ZNF827: variants seen among roughly 807,000 people sequenced by gnomAD.
ZNF827 encodes the protein zinc finger protein 827.
In ZNF827, 13 loss-of-function variants were observed where a neutral mutation model predicts 102.4. The ratio of observed to expected loss-of-function variants is 0.13; its 90% CI spans 0.08 to 0.20. The LOEUF (loss-of-function observed/expected upper bound fraction) is 0.20. Among genes scored for constraint, ZNF827 ranks in the 10% least tolerant of loss-of-function variants. The probability of loss-of-function intolerance (pLI) is 1.00; values close to 1 mark genes in which losing one functional copy is unlikely to be tolerated. For missense variants in ZNF827, 1,103 were observed against 1,344.4 expected (o/e 0.82, Z 2.81); for synonymous variants, 523 against 536.2 (o/e 0.98, Z 0.34).
intron 10 of ZNF827, among the ~76,000 whole-genome samples, chr4:145,775,199 A>G (rs566820815): frequency 5.3e-5 from 8 of 152,322 alleles, no homozygotes; most frequent in African/African-American, 1.4e-4. Flanking sequence ...ACTGCTAGAG[A>G]CATTTCCTGC....
At chr4:145,781,643 G>GT (rs1738071232) in intron 8 of ZNF827, among the ~76,000 whole-genome samples, 1 of 151,858 alleles carries the variant, frequency 6.6e-6, no homozygotes, top group East Asian at 1.9e-4. Flanking sequence ...GTGAAGAGAA[G>GT]TAAAAAAAAA....
At chr4:145,934,698 G>A (rs550006628) in intron 1 of ZNF827, among the ~76,000 whole-genome samples, 3 of 152,312 alleles carry the variant, frequency 2.0e-5, no homozygotes, top group Admixed American at 1.3e-4. Context: ...TGTAGTGGGA[G>A]GACTTTGGGC....
chr4:145,886,174 G>A lies in ZNF827; in HGVS notation c.1267-16C>T. ...GCTGATGAACCTGACGGAGAAGCAA[G>A]AAGAATGAGCTAGCCACCGTGCATT... On this transcript the variant is annotated splice_polypyrimidine_tract_variant and intron_variant, in intron 3 of 14. Transcript: ENST00000508784. 6.4e-7 allele frequency: 1 copy of A among 1,570,018 alleles called. No homozygotes were observed. Among genetic ancestry groups the A allele is most frequent in the Non-Finnish European group, 8.6e-7 (1 of 1,160,116 alleles).
chr4:145,781,717 G>A (rs1454966036), intron 8 of ZNF827, among the ~76,000 whole-genome samples: 2 of 152,210 alleles, frequency 1.3e-5, no homozygotes, highest in Non-Finnish European at 1.5e-5. Flanking sequence ...CACGCAGTGG[G>A]CATTTCAGCT....
chr4:145,844,689 TAAATAAATA>T (rs1214278875), intron 7 of ZNF827, among the ~76,000 whole-genome samples: 9 of 86,990 alleles, frequency 1.0e-4, no homozygotes, highest in Admixed American at 1.6e-4. Flanking sequence ...AATAAATAAA[TAAATAAATA>T]AATAAATAAA....
At chr4:145,836,665 A>C (rs1486791840) in intron 7 of ZNF827, among the ~76,000 whole-genome samples, 1 of 151,742 alleles carries the variant, frequency 6.6e-6, no homozygotes, top group Non-Finnish European at 1.5e-5. Context: ...GATCCACCTG[A>C]CATTCACCCC....
At chr4:145,773,656 T>C (rs1736616126) in intron 11 of ZNF827, among the ~76,000 whole-genome samples, 1 of 152,234 alleles carries the variant, frequency 6.6e-6, no homozygotes, top group Admixed American at 6.5e-5. Context: ...GTCAGAATGT[T>C]AACATCAATA....
At chr4:145,767,136 G>A (rs573122637) in intron 11 of ZNF827, among the ~76,000 whole-genome samples, 8 of 152,256 alleles carry the variant, frequency 5.3e-5, no homozygotes, top group East Asian at 1.9e-4. Flanking sequence ...GTTAGACTTC[G>A]CAGACAAGGA....
At chr4:145,932,301 A>G (rs1753864162) in intron 1 of ZNF827, among the ~76,000 whole-genome samples, 1 of 152,194 alleles carries the variant, frequency 6.6e-6, no homozygotes. Flanking sequence ...GACCAGGGTT[A>G]ATAACAGTGG....
chr4:145,782,540 C>T (rs1738240055), intron 8 of ZNF827, among the ~76,000 whole-genome samples: 1 of 152,194 alleles, frequency 6.6e-6, no homozygotes, highest in Admixed American at 6.5e-5. Context: ...TCTTTCTAGA[C>T]CTCACTGCCT....
rs577224992 is a variant in ZNF827 at position 145,862,170 on chromosome 4, G to A, written c.1981+8075C>T. 9.2e-5 allele frequency among the ~76,000 whole-genome samples: 14 copies of A among 152,286 alleles called. No homozygotes were observed. The East Asian group carries it at 1.4e-3, about 15-fold the overall frequency. On this transcript the variant is annotated intron_variant, in intron 5 of 14. Coordinates refer to ENST00000508784, the MANE Select transcript of ZNF827 (RefSeq NM_001306215.2). ...CAGAAGGGTGCTTACTGGCCAGAGC[G>A]GGTGTAACAGCAGGTATGGCCAGAG...
At chr4:145,880,634 C>T (rs894354194) in intron 4 of ZNF827, among the ~76,000 whole-genome samples, 2 of 152,140 alleles carry the variant, frequency 1.3e-5, no homozygotes, top group African/African-American at 4.8e-5. Flanking sequence ...TCAATAAAGT[C>T]GAGAATTTCA....
intron 4 of ZNF827, chr4:145,876,486 T>C (rs549947527): frequency 5.3e-5 from 8 of 152,292 alleles, no homozygotes; most frequent in African/African-American, 1.4e-4. Context: ...GACAGACAAA[T>C]AGACATATGT....
chr4:145,833,885 T>C (rs545497515), intron 7 of ZNF827, among the ~76,000 whole-genome samples: 27 of 152,098 alleles, frequency 1.8e-4, no homozygotes, highest in South Asian at 1.2e-3. Context: ...CCCAACCTCT[T>C]ATCTCTGTGC....
intron 8 of ZNF827, among the ~76,000 whole-genome samples, chr4:145,790,259 AT>A (rs1739482259): frequency 6.6e-6 from 1 of 152,178 alleles, no homozygotes; most frequent in South Asian, 2.1e-4. Flanking sequence ...AGATATAAGA[AT>A]TTCCTCTTTT....
intron 3 of ZNF827, among the ~76,000 whole-genome samples, chr4:145,886,843 G>A (rs1234401856): frequency 6.6e-6 from 1 of 152,172 alleles, no homozygotes; most frequent in Non-Finnish European, 1.5e-5. Flanking sequence ...TCCAGATTCT[G>A]ACGTCTGCAA....
At chr4:145,932,363 G>A (rs566716085) in intron 1 of ZNF827, among the ~76,000 whole-genome samples, 8 of 152,096 alleles carry the variant, frequency 5.3e-5, no homozygotes, top group Non-Finnish European at 7.3e-5. Flanking sequence ...GAATCCGAAC[G>A]CAAACTACTG....
In ZNF827 at chr4:145,871,389, T is replaced by C. The variant is rs1224672067; in HGVS notation, c.1748-911A>G. On this transcript the variant is annotated intron_variant, in intron 4 of 14. Transcript: ENST00000508784. ...GTGGTCAGGACAGAGCTAACTGGCC[T>C]ATTATGGGATGGATTCTGTGGCTCA... Among the ~76,000 whole-genome samples the C allele has an allele frequency of 2.0e-5, 3 of 152,346 alleles. No individual in the cohort carries two copies. In the East Asian group the frequency reaches 5.8e-4, roughly 29 times the overall value.
At chr4:145,841,385 T>C (rs1008764318) in intron 7 of ZNF827, among the ~76,000 whole-genome samples, 1 of 152,244 alleles carries the variant, frequency 6.6e-6, no homozygotes, top group Non-Finnish European at 1.5e-5. Context: ...ATGCCTCATG[T>C]ATTTTCATCT....
Sources: allele counts gnomAD v4.1 joint callset (sites outside exome capture counted in the v4.1 genomes callset), GRCh38; gene constraint gnomAD v4.1.1; transcripts MANE v1.5; gene names NCBI Gene and HGNC (gene_info 2026-07-23, HGNC 2026-07-21).